The following MYT1L variants were observed in gnomAD, a reference collection of about 807,000 sequenced individuals.
MYT1L encodes myelin transcription factor 1-like protein.
In MYT1L, 12 loss-of-function variants were observed where a neutral mutation model predicts 126.7. That is an observed-to-expected ratio of 0.09 (90% CI 0.06 to 0.15). The LOEUF (loss-of-function observed/expected upper bound fraction) is 0.15, where lower values mean the gene tolerates loss of function less well. MYT1L is among the 10% of genes least tolerant of loss of function. The probability of loss-of-function intolerance (pLI) is 1.00; values close to 1 mark genes in which losing one functional copy is unlikely to be tolerated. For missense variants in MYT1L, 979 were observed against 1,585.2 expected (o/e 0.62, Z 6.49); for synonymous variants, 541 against 604.2 (o/e 0.90, Z 1.53).
chr2:2,321,481 G>T (rs1443988420), intron 1 of MYT1L, among the ~76,000 whole-genome samples: 1 of 152,120 alleles, frequency 6.6e-6, no homozygotes, highest in African/African-American at 2.4e-5. Flanking sequence ...GGGAGGGGAG[G>T]TTGGGCCGAA....
intron 13 of MYT1L, among the ~76,000 whole-genome samples, chr2:1,909,903 C>T (rs1196750478): frequency 6.6e-6 from 1 of 152,190 alleles, no homozygotes; most frequent in Non-Finnish European, 1.5e-5. Flanking sequence ...GACAAAATTA[C>T]CTTGGACATC....
In MYT1L at chr2:1,922,953, G is replaced by A. The variant is rs751168400; in HGVS notation, c.816C>T (p.His272=). The change falls in exon 10 of 25, where the codon CAC becomes CAT. Residue 272 remains histidine (H), a synonymous_variant. Coordinates refer to ENST00000647738, the MANE Select transcript of MYT1L (RefSeq NM_001303052.2). The surrounding 1 kb of genome is among the most constrained non-coding windows in gnomAD (Gnocchi z 7.4). ...VDSLKLLAQG[H]GVVLSENMND... ...TCATGTTTTCTGAGAGCACAACACC[G>A]TGTCCTTGGGCTAATAGTTTAAGGG... is the stretch of plus-strand genomic sequence containing the variant. The A allele has an allele frequency of 1.4e-5, 23 of 1,614,008 alleles. No individual in the cohort carries two copies. Among genetic ancestry groups the A allele is most frequent in the Middle Eastern group, 1.6e-4 (1 of 6,062 alleles).
intron 3 of MYT1L, among the ~76,000 whole-genome samples, chr2:2,063,853 C>T (rs1687916): frequency 0.072 from 10,828 of 151,338 alleles, 1,127 homozygotes; most frequent in African/African-American, 0.24. Flanking sequence ...TCAAAAAAAA[C>T]AAAACAAACA....
chr2:1,954,301 A>G (rs1365988683), intron 8 of MYT1L, among the ~76,000 whole-genome samples: 1 of 152,202 alleles, frequency 6.6e-6, no homozygotes, highest in Non-Finnish European at 1.5e-5. Flanking sequence ...ACTGCCCGTT[A>G]GATGCTCCAG....
At chr2:2,175,780 C>T (rs1161796257) in intron 2 of MYT1L, among the ~76,000 whole-genome samples, 5 of 152,204 alleles carry the variant, frequency 3.3e-5, no homozygotes, top group African/African-American at 1.2e-4. Flanking sequence ...CTGGAGAGGA[C>T]AGCACATCAC....
chr2:2,055,771 T>C (rs1238115015), intron 3 of MYT1L, among the ~76,000 whole-genome samples: 3 of 152,238 alleles, frequency 2.0e-5, no homozygotes, highest in Non-Finnish European at 4.4e-5. Context: ...TATTTTGCTT[T>C]CATAAAATAT....
chr2:2,002,237 C>T (rs182282638), intron 4 of MYT1L, among the ~76,000 whole-genome samples: 59 of 152,266 alleles, frequency 3.9e-4, no homozygotes, highest in Middle Eastern at 3.4e-3. Context: ...CATGGTCTCT[C>T]GACCATGAGA....
intron 21 of MYT1L, among the ~76,000 whole-genome samples, chr2:1,835,195 T>G (rs1237557583): frequency 6.6e-6 from 1 of 152,206 alleles, no homozygotes; most frequent in East Asian, 1.9e-4. Flanking sequence ...AAATACCATA[T>G]CTTGAAAATA....
At chr2:1,993,562 T>C (rs945398152) in intron 5 of MYT1L, among the ~76,000 whole-genome samples, 2 of 152,242 alleles carry the variant, frequency 1.3e-5, no homozygotes, top group Non-Finnish European at 2.9e-5. Flanking sequence ...TTCCTCAGAA[T>C]ATACCTACTA....
chr2:1,928,678 T>C (rs996331271), intron 9 of MYT1L, among the ~76,000 whole-genome samples: 1 of 152,150 alleles, frequency 6.6e-6, no homozygotes, highest in African/African-American at 2.4e-5. Flanking sequence ...AGTTTTTTTT[T>C]CTCCTTTCAA....
chr2:2,133,763 G>A (rs2082679535), intron 3 of MYT1L, among the ~76,000 whole-genome samples: 2 of 152,136 alleles, frequency 1.3e-5, no homozygotes, highest in South Asian at 4.1e-4. Flanking sequence ...ACATGAAAGG[G>A]AAATGTTTGC....
At position 1,917,502 on chromosome 2, in the gene MYT1L, G is replaced by A. The variant is rs2053013643; in HGVS notation, c.1484-163C>T. On this transcript the variant is annotated intron_variant, in intron 10 of 24. Coordinates refer to ENST00000647738, the MANE Select transcript of MYT1L (RefSeq NM_001303052.2). This position sits in a 1 kb window ranked among gnomAD's most constrained non-coding sequence, Gnocchi z 5.9. ...TGCTTAGATAGTTCTTTGGTTTTGG[G>A]TGACTTTTTTCAACCTTACACAGTA... Among the ~76,000 whole-genome samples, 1 of 152,124 alleles carries A rather than the reference G, an allele frequency of 6.6e-6. No individual in the cohort carries two copies. The highest frequency in any genetic ancestry group is 2.4e-5 in the African/African-American group (1 of 41,424).
intron 23 of MYT1L, among the ~76,000 whole-genome samples, chr2:1,797,881 C>T (rs1255856878): frequency 7.3e-6 from 1 of 137,616 alleles, no homozygotes; most frequent in Admixed American, 7.3e-5. Context: ...CCATCCGGCA[C>T]AGGCGCGGCG....
intron 8 of MYT1L, among the ~76,000 whole-genome samples, chr2:1,955,242 T>A (rs1030059785): frequency 8.5e-5 from 13 of 152,078 alleles, no homozygotes; most frequent in Admixed American, 8.5e-4. Context: ...TGCCCCTTCT[T>A]TAGATGTTCA....
intron 3 of MYT1L, among the ~76,000 whole-genome samples, chr2:2,118,900 A>G (rs139586867): frequency 1.9e-4 from 29 of 152,400 alleles, no homozygotes; most frequent in African/African-American, 7.0e-4. Flanking sequence ...TAAATAGAAT[A>G]AGGCGCCATC....
At chr2:1,993,226 G>T (rs2061577016) in intron 5 of MYT1L, among the ~76,000 whole-genome samples, 1 of 152,184 alleles carries the variant, frequency 6.6e-6, no homozygotes, top group African/African-American at 2.4e-5. Flanking sequence ...TGTCTGGGCA[G>T]CAGGCAAGGT....
intron 2 of MYT1L, among the ~76,000 whole-genome samples, chr2:2,256,290 A>G (rs35049992): frequency 0.13 from 19,339 of 152,294 alleles, 1,611 homozygotes; most frequent in Non-Finnish European, 0.18. Flanking sequence ...AGGTAAAACT[A>G]TTGATCCAGT....
intron 3 of MYT1L, among the ~76,000 whole-genome samples, chr2:2,113,982 C>T (rs1029700090): frequency 1.3e-5 from 2 of 151,816 alleles, no homozygotes; most frequent in African/African-American, 4.8e-5. Context: ...TTACTGCCTC[C>T]ATTACACAGA....
intron 21 of MYT1L, among the ~76,000 whole-genome samples, chr2:1,809,540 G>A (rs1388537918): frequency 1.3e-5 from 2 of 152,118 alleles, no homozygotes; most frequent in African/African-American, 2.4e-5. Context: ...ATTATGGAAA[G>A]CATCAAGCTC....
Sources: allele counts gnomAD v4.1 joint callset (sites outside exome capture counted in the v4.1 genomes callset), GRCh38; gene constraint gnomAD v4.1.1; non-coding constraint Gnocchi (gnomAD v3.1); transcripts MANE v1.5; gene names NCBI Gene and HGNC (gene_info 2026-07-23, HGNC 2026-07-21).